Variants in EPHB6 observed in about 807,000 individuals in gnomAD.
EPHB6 encodes the protein EPH receptor B6.
A neutral mutation model predicts 107.0 loss-of-function variants in EPHB6; 51 were observed. The observed-to-expected ratio is 0.48, with a 90% CI of 0.38 to 0.60. EPHB6 has a LOEUF of 0.60. EPHB6 is among the 20% of genes least tolerant of loss of function. EPHB6 has a pLI of 0.00. For synonymous variants in EPHB6, 553 were observed against 549.0 expected, an observed-to-expected ratio of 1.01 and a Z score of -0.10; for missense variants, 1,141 against 1,355.5, an observed-to-expected ratio of 0.84 and a Z score of 2.48.
At chr7:142,870,075 G>A (rs1794824807) in intron 17 of EPHB6, 109 bp downstream of exon 17, 15 of 1,588,450 alleles carry the variant, frequency 9.4e-6, no homozygotes, top group Non-Finnish European at 1.3e-5. Context: ...TCTCATGGCT[G>A]TTGGATTGCC....
intron 6 of EPHB6, 102 bp downstream of exon 6, chr7:142,863,797 GA>G: frequency 2.0e-6 from 3 of 1,501,886 alleles, no homozygotes; most frequent in Non-Finnish European, 2.8e-6. Flanking sequence ...AGGATTATGG[GA>G]AAAGGATCCC....
chr7:142,866,565 A>T lies in EPHB6; in HGVS notation c.1547A>T (p.Asn516Ile). 6.2e-7 allele frequency: 1 copy of T among 1,614,076 alleles called. No homozygotes were observed. ...TVSWPQPDQTNGNILDYQLRY... is the reference protein window; with the variant it reads ...TVSWPQPDQTIGNILDYQLRY... ...TCCTGGCCGCAGCCCGACCAGACCAATGGGAACATCCTGGACTATCAGCTC... is the reference window on the plus strand; with the variant it reads ...TCCTGGCCGCAGCCCGACCAGACCATTGGGAACATCCTGGACTATCAGCTC... Residue 516 changes from asparagine to isoleucine, a missense_variant, in exon 10 of 20, where the codon AAT becomes ATT. Transcript: ENST00000652003. This position sits in a 1 kb window ranked among gnomAD's most constrained non-coding sequence, Gnocchi z 5.2.
Position 142,864,693 on chromosome 7 carries a change from G to T in EPHB6, c.893G>T (p.Gly298Val), listed in dbSNP as rs549672232. 4.3e-6 allele frequency: 7 copies of T among 1,612,852 alleles called. No individual in the cohort carries two copies. Among genetic ancestry groups the T allele is most frequent in the Non-Finnish European group, 5.9e-6 (7 of 1,179,988 alleles). The change falls in exon 7 of 20, where the codon GGG (glycine) becomes GTG (valine). Residue 298 changes from glycine (G) to valine (V), a missense_variant. Gly to Val is a moderately radical substitution (Grantham distance 109). Transcript: ENST00000652003. ...GAGGGCAAGTGGATGGTAGCTGTCG[G>T]GGGCTGCCGCTGCCAGCCTGGATAC... ...NGEGKWMVAVGGCRCQPGYQP... is the reference protein window; with the variant it reads ...NGEGKWMVAVVGCRCQPGYQP...
At position 142,865,485 on chromosome 7, in the gene EPHB6, G is replaced by A. The variant is rs780265763; in HGVS notation, c.960G>A (p.Arg320=). ...RGDKACQACP[R]GLYKASAGNA... ...CCTCTGCCTCCTCAGCCTGCCCACGGGGGCTCTATAAGGCTTCTGCTGGGA... is the reference window on the plus strand; with the variant it reads ...CCTCTGCCTCCTCAGCCTGCCCACGAGGGCTCTATAAGGCTTCTGCTGGGA... Residue 320 remains arginine (R), a synonymous_variant, in exon 8 of 20, where the codon CGG becomes CGA. Coordinates refer to ENST00000652003, the MANE Select transcript of EPHB6 (RefSeq NM_004445.6). 1 of 1,613,250 alleles carries A rather than the reference G, an allele frequency of 6.2e-7. No homozygotes were observed. Among genetic ancestry groups the A allele is most frequent in the East Asian group, 2.2e-5 (1 of 44,840 alleles).
chr7:142,864,886 T>C (rs1803069174), intron 7 of EPHB6, 137 bp downstream of exon 7: 11 of 1,095,838 alleles, frequency 1.0e-5, no homozygotes, highest in Middle Eastern at 2.8e-4. Flanking sequence ...GACCCTGATT[T>C]TCCCTAATTT....
rs775608909 is a variant in EPHB6 at position 142,864,708 on chromosome 7, A to G, written c.908A>G (p.Gln303Arg). Residue 303 changes from glutamine (Q) to arginine (R), a missense_variant, in exon 7 of 20, where the codon CAG (glutamine) becomes CGG (arginine). Coordinates refer to ENST00000652003, the MANE Select transcript of EPHB6 (RefSeq NM_004445.6). ...GTAGCTGTCGGGGGCTGCCGCTGCC[A>G]GCCTGGATACCAACCAGCACGAGGA... ...WMVAVGGCRC[Q>R]PGYQPARGDK... 1.2e-6 allele frequency: 2 copies of G among 1,612,884 alleles called. No individual in the cohort carries two copies. The highest frequency in any genetic ancestry group is 1.7e-6 in the Non-Finnish European group (2 of 1,180,004).
At position 142,870,778 on chromosome 7, in the gene EPHB6, C is replaced by A. The variant is rs773078722; in HGVS notation, c.2961-18C>A. 1.9e-6 allele frequency: 3 copies of A among 1,614,112 alleles called. No homozygotes were observed. Among genetic ancestry groups the A allele is most frequent in the Non-Finnish European group, 2.5e-6 (3 of 1,179,970 alleles). ...TCGGAGAAGCTGGCCCAGATTTGAT[C>A]CCTTCCCTCCCCACCAGAGACCTGC... On this transcript the variant is annotated intron_variant, in intron 19 of 19. Coordinates refer to ENST00000652003, the MANE Select transcript of EPHB6 (RefSeq NM_004445.6).
In EPHB6 at chr7:142,869,258, T is replaced by C. The variant is rs898009776; in HGVS notation, c.2460+111T>C. The C allele has an allele frequency of 3.9e-6, 5 of 1,272,224 alleles. No individual in the cohort carries two copies. In the Admixed American group the frequency reaches 7.5e-5, roughly 19 times the overall value. The allele number at this position is 1,272,224 out of a possible 1,614,324, so 78.8% of individuals were successfully genotyped here. A position where few individuals can be genotyped will look rare whatever the true frequency, so the allele number is the denominator to read the frequency against. On this transcript the variant is annotated intron_variant, in intron 16 of 19. Transcript: ENST00000652003. This position sits in a 1 kb window ranked among gnomAD's most constrained non-coding sequence, Gnocchi z 4.5. ...GGTAGGTACCTCAGCCGGGGTGTCATAGTCCCTGAAAGGAGGGAGGCTCTC... is the reference window on the plus strand; with the variant it reads ...GGTAGGTACCTCAGCCGGGGTGTCACAGTCCCTGAAAGGAGGGAGGCTCTC...
Position 142,869,184 on chromosome 7 carries a change from T to C in EPHB6, c.2460+37T>C, listed in dbSNP as rs2116478947. On this transcript the variant is annotated intron_variant, in intron 16 of 19. Transcript: ENST00000652003. The surrounding 1 kb of genome is among the most constrained non-coding windows in gnomAD (Gnocchi z 4.5). The stretch of plus-strand genomic sequence containing the variant: ...GCCTTGGGGACACAGCCTGGGGCCT[T>C]GTGGCATGCCCCAGCAGGTGCTGGG... The C allele has an allele frequency of 1.2e-6, 2 of 1,601,988 alleles. No homozygotes were observed. The highest frequency in any genetic ancestry group is 1.3e-5 in the African/African-American group (1 of 74,852).
In EPHB6 at chr7:142,869,644, T is replaced by A; in HGVS notation, c.2461-173T>A. On this transcript the variant is annotated intron_variant, in intron 16 of 19. Coordinates refer to ENST00000652003, the MANE Select transcript of EPHB6 (RefSeq NM_004445.6). The surrounding 1 kb of genome is among the most constrained non-coding windows in gnomAD (Gnocchi z 4.5). ...AGTAGTTGCTCCATAAACGTGACTA[T>A]TGCTTCTGCTTCTGTGAAATGGAGA... The A allele has an allele frequency of 1.3e-6, 1 of 761,530 alleles. No individual in the cohort carries two copies. The highest frequency in any genetic ancestry group is 1.6e-5 in the South Asian group (1 of 61,452). 47.2% of individuals were successfully genotyped at this position (761,530 alleles called of 1,614,324 possible).
chr7:142,855,611 C>T lies in EPHB6; in HGVS notation c.-432+226C>T, dbSNP rs1158301349. On this transcript the variant is annotated intron_variant, in intron 1 of 19. Transcript: ENST00000652003. The surrounding 1 kb of genome is among the most constrained non-coding windows in gnomAD (Gnocchi z 4.2). ...CTCCACTCTGACCTGGCATCATTGA[C>T]ACCGCATTACCCTTGCTGTTAGGAT... Among the ~76,000 whole-genome samples the T allele has an allele frequency of 6.6e-6, 1 of 152,184 alleles. No individual in the cohort carries two copies. The highest frequency in any genetic ancestry group is 1.5e-5 in the Non-Finnish European group (1 of 68,022).
intron 7 of EPHB6, among the ~76,000 whole-genome samples, 191 bp from the exon 8 acceptor site, chr7:142,865,284 A>G (rs941812515): frequency 2.6e-5 from 4 of 152,212 alleles, no homozygotes; most frequent in Non-Finnish European, 5.9e-5. Context: ...ATGGAAATGC[A>G]ATTCTGTCCC....
At position 142,867,034 on chromosome 7, in the gene EPHB6, C is replaced by CG; in HGVS notation, c.1721dup (p.Lys575GlnfsTer100). The CG allele has an allele frequency of 6.2e-7, 1 of 1,613,956 alleles. No homozygotes were observed. The stretch of plus-strand genomic sequence containing the variant: ...GGACTGCTGCCGGCCACGGCCCCTA[C>CG]GGGGGCAAAGTCTATTTCCAGACAC... On this transcript the variant is annotated frameshift_variant, in exon 11 of 20. Transcript: ENST00000652003. LOFTEE classifies it high-confidence loss of function. The surrounding 1 kb of genome is among the most constrained non-coding windows in gnomAD (Gnocchi z 5.3).
At position 142,868,609 on chromosome 7, in the gene EPHB6, G is replaced by T. The variant is rs1794732504; in HGVS notation, c.2156G>T (p.Gly719Val). ...GAESLQMTFL[G>V]RAAVLGQFQH... ...GAAAGCCTGCAGATGACCTTCCTGG[G>T]CCGGGCCGCAGTGCTGGGTCAGTTC... The change falls in exon 15 of 20, where the codon GGC becomes GTC. Residue 719 changes from glycine (G) to valine (V), a missense_variant. By Grantham distance (109) the Gly-to-Val change is moderately radical. This residue lies in a region of EPHB6 where 616 missense variants were observed against 759.3 expected (regional missense o/e 0.81). Coordinates refer to ENST00000652003, the MANE Select transcript of EPHB6 (RefSeq NM_004445.6). The surrounding 1 kb of genome is among the most constrained non-coding windows in gnomAD (Gnocchi z 4.2). 6.2e-7 allele frequency: 1 copy of T among 1,613,580 alleles called. No individual in the cohort carries two copies. Among genetic ancestry groups the T allele is most frequent in the African/African-American group, 1.3e-5 (1 of 74,938 alleles).
At position 142,865,555 on chromosome 7, in the gene EPHB6, C is replaced by A. The variant is rs1310822200; in HGVS notation, c.1030C>A (p.Pro344Thr). The A allele has an allele frequency of 6.2e-7, 1 of 1,613,710 alleles. No homozygotes were observed. Among genetic ancestry groups the A allele is most frequent in the South Asian group, 1.1e-5 (1 of 91,062 alleles). Residue 344 changes from proline to threonine, a missense_variant, in exon 8 of 20, where the codon CCA (proline) becomes ACA (threonine). Transcript: ENST00000652003. ...CCCTGCCCGCAGTCACGCTCCCAACCCAGCAGCCCCCGTTTGCCCCTGCCT... is the reference window on the plus strand; with the variant it reads ...CCCTGCCCGCAGTCACGCTCCCAACACAGCAGCCCCCGTTTGCCCCTGCCT... ...PCPARSHAPN[P>T]AAPVCPCLEG...
In EPHB6 at chr7:142,869,144, T is replaced by C; in HGVS notation, c.2457T>C (p.Pro819=). Reference sequence around the variant, plus strand: ...AGGTGGCCCGTCTTGGCCACAGTCCTCAGGTGAGAGCACAGCCTTGGGGAC... The same window carrying C: ...AGGTGGCCCGTCTTGGCCACAGTCCCCAGGTGAGAGCACAGCCTTGGGGAC... ...VCKVARLGHS[P]QGPSCLLRWA... is the part of the protein sequence containing the mutation. The change falls in exon 16 of 20, where the codon CCT becomes CCC. Residue 819 remains proline, a synonymous_variant. Transcript: ENST00000652003. The surrounding 1 kb of genome is among the most constrained non-coding windows in gnomAD (Gnocchi z 4.5). 1 of 1,612,780 alleles carries C rather than the reference T, an allele frequency of 6.2e-7. No individual in the cohort carries two copies. The highest frequency in any genetic ancestry group is 8.5e-7 in the Non-Finnish European group (1 of 1,179,604).
chr7:142,867,742 C>T lies in EPHB6; in HGVS notation c.1865+20C>T. On this transcript the variant is annotated intron_variant, in intron 12 of 19. Transcript: ENST00000652003. This position sits in a 1 kb window ranked among gnomAD's most constrained non-coding sequence, Gnocchi z 5.3. ...CCAGCGGTGAGTCCCCACCCCTGCC[C>T]AACTCTGCCCAGCACCATTAACTCC... 1 of 1,588,464 alleles carries T rather than the reference C, an allele frequency of 6.3e-7. No individual in the cohort carries two copies. The highest frequency in any genetic ancestry group is 8.6e-7 in the Non-Finnish European group (1 of 1,166,016).
rs2116463788 is a variant in EPHB6, at chr7:142,868,042, C to T, written c.1911C>T (p.Ser637=). The T allele has an allele frequency of 6.3e-7, 1 of 1,598,694 alleles. No homozygotes were observed. The highest frequency in any genetic ancestry group is 8.5e-7 in the Non-Finnish European group (1 of 1,172,576). Residue 637 remains serine, a synonymous_variant, in exon 13 of 20, where the codon AGC becomes AGT. Coordinates refer to ENST00000652003, the MANE Select transcript of EPHB6 (RefSeq NM_004445.6). This position sits in a 1 kb window ranked among gnomAD's most constrained non-coding sequence, Gnocchi z 4.2. ...ACACAGAGCAGCTGCAGCAATACAGCAGCCCAGGTGGGGATGAGGAGAGGA... is the reference window on the plus strand; with the variant it reads ...ACACAGAGCAGCTGCAGCAATACAGTAGCCCAGGTGGGGATGAGGAGAGGA... ...TGYTEQLQQY[S]SPGLGVKYYI...
Position 142,868,024 on chromosome 7 carries a change from G to A in EPHB6, c.1893G>A (p.Glu631=), listed in dbSNP as rs759521580. 6.3e-7 allele frequency: 1 copy of A among 1,591,132 alleles called. No individual in the cohort carries two copies. Among genetic ancestry groups the A allele is most frequent in the East Asian group, 2.3e-5 (1 of 43,640 alleles). ...AGCGGCGTGGGACTGGCTACACAGA[G>A]CAGCTGCAGCAATACAGCAGCCCAG... is the stretch of plus-strand genomic sequence containing the variant. ...QRKRRGTGYT[E]QLQQYSSPGL... The change falls in exon 13 of 20, where the codon GAG becomes GAA. Residue 631 remains glutamate, a synonymous_variant. Transcript: ENST00000652003. This position sits in a 1 kb window ranked among gnomAD's most constrained non-coding sequence, Gnocchi z 4.2.
Sources: allele counts gnomAD v4.1 joint callset (sites outside exome capture counted in the v4.1 genomes callset), GRCh38; gene constraint gnomAD v4.1.1; regional missense constraint gnomAD v4.1.1; non-coding constraint Gnocchi (gnomAD v3.1); transcripts MANE v1.5; gene names NCBI Gene and HGNC (gene_info 2026-07-23, HGNC 2026-07-21).